The following FRMPD4 variants were observed in gnomAD, a reference collection of about 807,000 sequenced individuals.
The protein encoded by FRMPD4 is FERM and PDZ domain-containing protein 4.
In FRMPD4, 22 loss-of-function variants were observed where a neutral mutation model predicts 94.1. The ratio of observed to expected loss-of-function variants is 0.23; its 90% CI spans 0.17 to 0.33. The LOEUF (loss-of-function observed/expected upper bound fraction) is 0.33. Among genes scored for constraint, FRMPD4 ranks in the 10% least tolerant of loss-of-function variants. The pLI is 1.00. For synonymous variants in FRMPD4, 631 were observed against 548.6 expected (o/e 1.15, Z -2.10); for missense variants, 1,111 against 1,339.9 (o/e 0.83, Z 2.67).
intron 3 of FRMPD4, among the ~76,000 whole-genome samples, chrX:12,010,612 G>A (rs1289080643): frequency 4.5e-5 from 5 of 112,069 alleles, no homozygotes; most frequent in Non-Finnish European, 7.5e-5. Flanking sequence ...TAATGAGCAC[G>A]TCTGTTTTCA....
At chrX:12,204,987 C>T in intron 1 of FRMPD4, among the ~76,000 whole-genome samples, 1 of 109,806 alleles carries the variant, frequency 9.1e-6, no homozygotes, top group East Asian at 2.9e-4. Context: ...GAAGGAGTCA[C>T]CTCTCTGGGT....
chrX:12,139,125 A>T, intron 1 of FRMPD4, 113 bp downstream of exon 1: 1 of 550,690 alleles, frequency 1.8e-6, no homozygotes. Context: ...GACGGGGCTT[A>T]AGACAAACGA....
At chrX:12,359,605 G>T (rs1212734827) in intron 1 of FRMPD4, among the ~76,000 whole-genome samples, 1 of 110,056 alleles carries the variant, frequency 9.1e-6, no homozygotes, top group Admixed American at 9.7e-5. Flanking sequence ...GTGTAGCTGG[G>T]ATTACAGGCA....
intron 10 of FRMPD4, among the ~76,000 whole-genome samples, chrX:12,703,527 ATCCTCTT>A (rs2041824493): frequency 8.9e-6 from 1 of 111,936 alleles, no homozygotes; most frequent in South Asian, 3.8e-4. Context: ...AATAACTGGA[ATCCTCTT>A]GAAGGTCTTC....
intron 3 of FRMPD4, among the ~76,000 whole-genome samples, chrX:12,116,286 CTT>C (rs1228682014): frequency 8.9e-6 from 1 of 112,447 alleles, no homozygotes; most frequent in East Asian, 2.8e-4. Context: ...CTCTTTCTCT[CTT>C]TTTGCTGGGC....
At chrX:12,054,061 C>T (rs766961751) in intron 3 of FRMPD4, among the ~76,000 whole-genome samples, 1 of 111,588 alleles carries the variant, frequency 9.0e-6, no homozygotes, top group Admixed American at 9.5e-5. Flanking sequence ...GGGCGCCTCT[C>T]GTATGAGGGT....
intron 1 of FRMPD4, among the ~76,000 whole-genome samples, chrX:12,434,252 T>C (rs773124498): frequency 1.8e-5 from 2 of 112,642 alleles, no homozygotes; most frequent in South Asian, 7.4e-4. Flanking sequence ...TAACTCTCAG[T>C]GTACCAATGA....
intron 1 of FRMPD4, among the ~76,000 whole-genome samples, chrX:12,463,681 G>GTTTTTTTTTTTTTTTTTTTTTT (rs764684007): frequency 2.0e-5 from 1 of 51,046 alleles, no homozygotes; most frequent in Non-Finnish European, 3.4e-5. Context: ...CTATGTGTGT[G>GTTTTTTTTTTTTTTTTTTTTTT]TTTTTTTTTT....
intron 1 of FRMPD4, among the ~76,000 whole-genome samples, chrX:12,496,672 A>T (rs2057853751): frequency 9.0e-6 from 1 of 111,009 alleles, no homozygotes; most frequent in Non-Finnish European, 1.9e-5. Context: ...TTGCACTTTT[A>T]ATTTGCTAAA....
At chrX:11,871,729 G>A (rs776545965) in intron 2 of FRMPD4, among the ~76,000 whole-genome samples, 1 of 111,994 alleles carries the variant, frequency 8.9e-6, no homozygotes, top group Non-Finnish European at 1.9e-5. Flanking sequence ...AATGTGGAGA[G>A]AGTGAAGTGG....
chrX:12,163,640 A>G (rs1157634739), intron 1 of FRMPD4, among the ~76,000 whole-genome samples: 2 of 112,037 alleles, frequency 1.8e-5, no homozygotes, highest in Non-Finnish European at 3.8e-5. Context: ...TCCTTTTGCC[A>G]TTAAGGATAG....
At chrX:11,946,121 G>A (rs369128875) in intron 3 of FRMPD4, among the ~76,000 whole-genome samples, 1 of 111,893 alleles carries the variant, frequency 8.9e-6, no homozygotes, top group South Asian at 3.8e-4. Context: ...AAAAAGTTTT[G>A]GAAATTTGGA....
intron 3 of FRMPD4, among the ~76,000 whole-genome samples, chrX:11,956,297 A>G (rs2054257120): frequency 1.8e-5 from 2 of 111,602 alleles, no homozygotes; most frequent in Admixed American, 9.6e-5. Flanking sequence ...CATTTTCCCT[A>G]CTGAAACTGG....
At chrX:12,400,421 C>T (rs1385180952) in intron 1 of FRMPD4, among the ~76,000 whole-genome samples, 1 of 112,026 alleles carries the variant, frequency 8.9e-6, no homozygotes, top group Non-Finnish European at 1.9e-5. Context: ...ATTTCAATGG[C>T]TCCCCCTCTT....
chrX:12,382,792 A>G (rs1327728374), intron 1 of FRMPD4, among the ~76,000 whole-genome samples: 1 of 111,080 alleles, frequency 9.0e-6, no homozygotes, highest in Non-Finnish European at 1.9e-5. Context: ...AGAAGCACTC[A>G]CCACCAGTTG....
intron 2 of FRMPD4, among the ~76,000 whole-genome samples, chrX:12,501,521 T>C (rs1271122752): frequency 9.1e-6 from 1 of 110,143 alleles, no homozygotes; most frequent in African/African-American, 3.3e-5. Context: ...GAGCCCAGGT[T>C]TGCAGTGTGG....
chrX:12,023,406 G>C (rs1601889496), intron 3 of FRMPD4, among the ~76,000 whole-genome samples: 1 of 111,459 alleles, frequency 9.0e-6, no homozygotes, highest in African/African-American at 3.3e-5. Flanking sequence ...CCCACGCATG[G>C]CACATGACAT....
chrX:12,701,067 CTTTTTTTTTTTTT>C (rs34465193), intron 9 of FRMPD4, among the ~76,000 whole-genome samples: 13 of 56,575 alleles, frequency 2.3e-4, no homozygotes, highest in African/African-American at 8.6e-4. Context: ...GTTTTGGCTT[CTTTTTTTTTTTTT>C]TTTTTTTTTT....
chrX:12,657,158 G>A (rs1398241821), intron 4 of FRMPD4, among the ~76,000 whole-genome samples: 1 of 111,443 alleles, frequency 9.0e-6, no homozygotes, highest in Non-Finnish European at 1.9e-5. Context: ...CCTTTCCTGT[G>A]GATCAGGAAA....
Sources: gnomAD v4.1 joint callset for allele counts (sites outside exome capture counted in the v4.1 genomes callset) on GRCh38, gnomAD v4.1.1 for gene constraint, MANE v1.5 for transcripts, NCBI Gene and HGNC (gene_info 2026-07-23, HGNC 2026-07-21) for gene names.